Variants in ATM observed in about 807,000 individuals in gnomAD.
ATM encodes ATM serine/threonine kinase, also known as serine-protein kinase ATM.
In ATM, 308 loss-of-function variants were observed where a neutral mutation model predicts 387.0. That is an observed-to-expected ratio of 0.80 (90% CI 0.73 to 0.87). The LOEUF (loss-of-function observed/expected upper bound fraction) is 0.87, where lower values mean the gene tolerates loss of function less well. Ranked by LOEUF, ATM falls within the 40% of genes least tolerant of loss-of-function variation. ATM has a pLI of 0.00. For synonymous variants in ATM, 1,156 were observed against 1,187.3 expected (o/e 0.97, Z 0.54); for missense variants, 3,312 against 3,560.9 (o/e 0.93, Z 1.78).
intron 29 of ATM, among the ~76,000 whole-genome samples, 177 bp from the exon 30 acceptor site, chr11:108,292,441 GC>G (rs1337945301): frequency 6.6e-6 from 1 of 152,184 alleles, no homozygotes; most frequent in Non-Finnish European, 1.5e-5. Context: ...GCTTAGAGCT[GC>G]CTATTCTGCA....
rs2136171191 is a variant in ATM at position 108,317,526 on chromosome 11, G to C, written c.6347+5G>C. The C allele has an allele frequency of 6.3e-7, 1 of 1,579,770 alleles. No homozygotes were observed. On this transcript the variant is annotated splice_donor_5th_base_variant and intron_variant, in intron 43 of 62. Transcript: ENST00000675843. ...GGACCATTGCACTTCCGTCAGGTAAGAAATTTGACTTGATTTTTTTTTTTT... is the reference window on the plus strand; with the variant it reads ...GGACCATTGCACTTCCGTCAGGTAACAAATTTGACTTGATTTTTTTTTTTT...
rs753241909 is a variant in ATM at position 108,320,899 on chromosome 11, A to G, written c.6453-402A>G. ...TATTTTGTATAAGTATTATAATACC[A>G]TATTCTTACAATAAAGTAAGCTAGA... On this transcript the variant is annotated intron_variant, in intron 44 of 62. Transcript: ENST00000675843. Among the ~76,000 whole-genome samples the G allele has an allele frequency of 1.1e-4, 16 of 152,368 alleles. No individual in the cohort carries two copies. The Middle Eastern group carries it at 0.01, about 97-fold the overall frequency.
At chr11:108,267,922 C>T (rs1052873721) in intron 17 of ATM, among the ~76,000 whole-genome samples, 1 of 152,158 alleles carries the variant, frequency 6.6e-6, no homozygotes, top group African/African-American at 2.4e-5. Context: ...TGAAAACACA[C>T]CTGTAATGCC....
intron 7 of ATM, among the ~76,000 whole-genome samples, chr11:108,246,128 A>T (rs920842884): frequency 2.6e-5 from 4 of 152,134 alleles, no homozygotes; most frequent in Admixed American, 1.3e-4. Flanking sequence ...CCGGCCGTGT[A>T]GCCACTTTTT....
intron 61 of ATM, among the ~76,000 whole-genome samples, chr11:108,357,088 G>A (rs879528167): frequency 6.6e-6 from 1 of 152,352 alleles, no homozygotes; most frequent in East Asian, 1.9e-4. Context: ...GTGGGTGCAC[G>A]CACTGTGCGC....
rs2091400908 is a variant in ATM at position 108,367,592 on chromosome 11, T to G, written c.*2084T>G. 4 of 207,476 alleles carry G rather than the reference T, an allele frequency of 1.9e-5. No homozygotes were observed. The South Asian group carries it at 7.5e-4, about 39-fold the overall frequency. 12.9% of individuals were successfully genotyped at this position (207,476 alleles called of 1,614,324 possible). Reference sequence around the variant, plus strand: ...CATCCCAGCTGCGGAGATTAACAAATGGGTGATTGAGCTTTCTCCTCGTAT... The same window carrying G: ...CATCCCAGCTGCGGAGATTAACAAAGGGGTGATTGAGCTTTCTCCTCGTAT... On this transcript the variant is annotated 3_prime_UTR_variant, in exon 63 of 63. Transcript: ENST00000675843.
rs895698982 is a variant in ATM, at chr11:108,234,886, A to AT, written c.332-782dup. On this transcript the variant is annotated intron_variant, in intron 4 of 62. Transcript: ENST00000675843. ...GAGGTGTTTGTATGCCATAAATGCT[A>AT]TTATAGGACTTAGAACTAATTTTGC... 6.6e-5 allele frequency among the ~76,000 whole-genome samples: 10 copies of AT among 151,952 alleles called. 1 individual carries two copies. Among genetic ancestry groups the AT allele is most frequent in the Middle Eastern group, 6.8e-3 (2 of 294 alleles).
intron 56 of ATM, among the ~76,000 whole-genome samples, chr11:108,342,789 A>G (rs1346621061): frequency 6.6e-6 from 1 of 152,188 alleles, no homozygotes; most frequent in East Asian, 1.9e-4. Flanking sequence ...AGTACATGTA[A>G]TTTCAATAAT....
At position 108,289,767 on chromosome 11, in the gene ATM, G is replaced by A. The variant is rs369903995; in HGVS notation, c.4402G>A (p.Val1468Ile). The stretch of plus-strand genomic sequence containing the variant: ...AGCTTGGGCCTTTGTTCTTCGAGAC[G>A]TTATTTATACTTTGATTCACTATAT... ...GGAWAFVLRD[V>I]IYTLIHYINQ... Residue 1468 changes from valine to isoleucine, a missense_variant, in exon 29 of 63, where the codon GTT becomes ATT. Physicochemically the swap from Val to Ile is conservative, Grantham distance 29. Around this residue, in one of 4 missense-constraint regions of ATM, gnomAD observed 1,791 missense variants for 1,804.5 expected, o/e 0.99. Transcript: ENST00000675843. 5.1e-5 allele frequency: 82 copies of A among 1,613,300 alleles called. No individual in the cohort carries two copies. In the African/African-American group the frequency reaches 8.7e-4, roughly 17 times the overall value.
chr11:108,281,229 A>G (rs1195972642), intron 24 of ATM, 61 bp downstream of exon 24: 1 of 1,554,236 alleles, frequency 6.4e-7, no homozygotes, highest in Admixed American at 1.7e-5. Context: ...TAATTTAAAA[A>G]GTTAAAGCTA....
intron 22 of ATM, among the ~76,000 whole-genome samples, chr11:108,278,192 A>G (rs1163018450): frequency 6.6e-6 from 1 of 152,252 alleles, no homozygotes; most frequent in Non-Finnish European, 1.5e-5. Flanking sequence ...GAATATGCCG[A>G]CAGTAATGTT....
Position 108,368,752 on chromosome 11 carries a change from G to A in ATM, c.*3244G>A, listed in dbSNP as rs1278339570. 1.4e-5 allele frequency: 3 copies of A among 212,174 alleles called. No homozygotes were observed. Among genetic ancestry groups the A allele is most frequent in the African/African-American group, 6.8e-5 (3 of 44,168 alleles). 13.1% of individuals were successfully genotyped at this position (212,174 alleles called of 1,614,324 possible). A position where few individuals can be genotyped will look rare whatever the true frequency, so the allele number is the denominator to read the frequency against. ...TAGCTTTCCCACCCTACTTTGTGCA[G>A]GTCATACCTCCCCAAAGTGTTTACC... On this transcript the variant is annotated 3_prime_UTR_variant, in exon 63 of 63. Coordinates refer to ENST00000675843, the MANE Select transcript of ATM (RefSeq NM_000051.4).
chr11:108,363,612 G>A (rs980754561), intron 61 of ATM, among the ~76,000 whole-genome samples: 3 of 152,128 alleles, frequency 2.0e-5, no homozygotes, highest in Non-Finnish European at 4.4e-5. Flanking sequence ...ACCTCAGAAT[G>A]TACAAGTTAG....
chr11:108,309,914 T>A (rs1011935357), intron 38 of ATM, among the ~76,000 whole-genome samples: 3 of 152,152 alleles, frequency 2.0e-5, no homozygotes, highest in South Asian at 2.1e-4. Flanking sequence ...GGTGATAGTC[T>A]ACAGGTTTTA....
chr11:108,347,050 A>T lies in ATM; in HGVS notation c.8585-229A>T, dbSNP rs55923051. Reference sequence around the variant, plus strand: ...ATGTGTGCCTATTAGTAAAGAGAAAATTTTTTTAGCAAATCATCTAGGATT... The same window carrying T: ...ATGTGTGCCTATTAGTAAAGAGAAATTTTTTTTAGCAAATCATCTAGGATT... On this transcript the variant is annotated intron_variant, in intron 58 of 62. Transcript: ENST00000675843. Among the ~76,000 whole-genome samples, 2,573 of 152,200 alleles carry T rather than the reference A, an allele frequency of 0.017. 66 individuals are homozygous for T. The highest frequency in any genetic ancestry group is 0.058 in the African/African-American group (2,428 of 41,522).
intron 52 of ATM, among the ~76,000 whole-genome samples, 173 bp from the exon 53 acceptor site, chr11:108,332,589 A>G (rs2086380628): frequency 1.3e-5 from 2 of 152,180 alleles, no homozygotes. Context: ...TGACGAGAGT[A>G]TGTATCTTTG....
intron 3 of ATM, 50 bp from the exon 4 acceptor site, chr11:108,229,128 T>A: frequency 6.4e-7 from 1 of 1,558,650 alleles, no homozygotes; most frequent in Non-Finnish European, 8.7e-7. Flanking sequence ...GAAATTATTA[T>A]AATTTAAGTA....
chr11:108,360,362 G>C (rs1466202882), intron 61 of ATM, among the ~76,000 whole-genome samples: 16 of 151,280 alleles, frequency 1.1e-4, no homozygotes, highest in South Asian at 2.1e-4. Flanking sequence ...AATTCTACCA[G>C]AGGTACAAGG....
Position 108,267,245 on chromosome 11 carries a change from G to T in ATM, c.2541G>T (p.Met847Ile). The T allele has an allele frequency of 6.2e-7, 1 of 1,614,076 alleles. No homozygotes were observed. Among genetic ancestry groups the T allele is most frequent in the Non-Finnish European group, 8.5e-7 (1 of 1,179,946 alleles). The part of the protein sequence containing the change: ...SMEDDTNGNL[M>I]EVEDQSSMNL... ...AAGATGATACTAATGGAAATCTAATGGAGGTGGAGGATCAGTCATCCATGA... is the reference window on the plus strand; with the variant it reads ...AAGATGATACTAATGGAAATCTAATTGAGGTGGAGGATCAGTCATCCATGA... Residue 847 changes from methionine to isoleucine, a missense_variant, in exon 17 of 63, where the codon ATG (methionine) becomes ATT (isoleucine). By Grantham distance (10) the Met-to-Ile change is conservative. Coordinates refer to ENST00000675843, the MANE Select transcript of ATM (RefSeq NM_000051.4).
Sources: gnomAD v4.1 joint callset for allele counts (sites outside exome capture counted in the v4.1 genomes callset) on GRCh38, gnomAD v4.1.1 for gene constraint, gnomAD v4.1.1 regional missense constraint, MANE v1.5 for transcripts, NCBI Gene and HGNC (gene_info 2026-07-23, HGNC 2026-07-21) for gene names.